The following ZNF502 variants were observed in gnomAD, a reference collection of about 807,000 sequenced individuals.
The protein encoded by ZNF502 is zinc finger protein 502.
Under a neutral mutation model 43.6 loss-of-function variants are expected in ZNF502, and 29 were observed. That is an observed-to-expected ratio of 0.67 (90% CI 0.50 to 0.91). The LOEUF (loss-of-function observed/expected upper bound fraction) is 0.91, where lower values mean the gene tolerates loss of function less well. ZNF502 is among the 40% of genes least tolerant of loss of function. The probability of loss-of-function intolerance (pLI) is 0.00; values close to 1 mark genes in which losing one functional copy is unlikely to be tolerated. For synonymous variants in ZNF502, 171 were observed against 207.4 expected, an observed-to-expected ratio of 0.82 and a Z score of 1.51; for missense variants, 591 against 647.2, an observed-to-expected ratio of 0.91 and a Z score of 0.94.
At chr3:44,716,941 C>G (rs1039540283) in intron 1 of ZNF502, among the ~76,000 whole-genome samples, 1 of 152,088 alleles carries the variant, frequency 6.6e-6, no homozygotes, top group East Asian at 1.9e-4. Context: ...TTTATTAGGT[C>G]TGTCTATCCC....
intron 1 of ZNF502, among the ~76,000 whole-genome samples, chr3:44,715,778 C>T (rs1009768295): frequency 1.3e-5 from 2 of 152,176 alleles, no homozygotes; most frequent in African/African-American, 4.8e-5. Context: ...GCTATCACAG[C>T]TCACTGCGAC....
intron 1 of ZNF502, among the ~76,000 whole-genome samples, chr3:44,718,418 G>A (rs1704207554): frequency 6.6e-6 from 1 of 152,202 alleles, no homozygotes; most frequent in South Asian, 2.1e-4. Context: ...CCTTAAAACA[G>A]TGGATCTAAT....
At position 44,722,463 on chromosome 3, in the gene ZNF502, TA is replaced by T; in HGVS notation, c.*12del. On this transcript the variant is annotated 3_prime_UTR_variant, in exon 3 of 3. Transcript: ENST00000436624. ...CACAGTGGTGACTAATGCTGCCATT[TA>T]GGTTATGACAGTTTCTCTAGCGAGG... is the stretch of plus-strand genomic sequence containing the variant. 1 of 1,600,874 alleles carries T rather than the reference TA, an allele frequency of 6.2e-7. No individual in the cohort carries two copies. The highest frequency in any genetic ancestry group is 8.5e-7 in the Non-Finnish European group (1 of 1,174,550).
Position 44,722,597 on chromosome 3 carries a change from G to T in ZNF502, c.*145G>T. ...GAGAGGAATGTTTCCAGAAATGGAG[G>T]TGGGAGCTTAGGGAATGCAGAGCCT... On this transcript the variant is annotated 3_prime_UTR_variant, in exon 3 of 3. Coordinates refer to ENST00000436624, the MANE Select transcript of ZNF502 (RefSeq NM_001134442.3). The T allele has an allele frequency of 8.8e-7, 1 of 1,137,714 alleles. No homozygotes were observed. Among genetic ancestry groups the T allele is most frequent in the Non-Finnish European group, 1.2e-6 (1 of 819,590 alleles). The allele number at this position is 1,137,714 out of a possible 1,614,324, so 70.5% of individuals were successfully genotyped here.
intron 1 of ZNF502, 151 bp downstream of exon 1, chr3:44,712,891 C>T (rs1159694286): frequency 1.3e-5 from 2 of 152,798 alleles, no homozygotes; most frequent in Non-Finnish European, 2.9e-5. Flanking sequence ...GTAGGGCACT[C>T]CTAGCGGCTC....
rs1704340516 is a variant in ZNF502 at position 44,721,632 on chromosome 3, G to A, written c.815G>A (p.Cys272Tyr). ...GAGAAACCTTATAAATGCAATAGGT[G>A]TGGGAAGGCATTCAATCAGAATACA... Reference protein sequence around the residue: ...TGEKPYKCNRCGKAFNQNTHL... With the variant: ...TGEKPYKCNRYGKAFNQNTHL... Residue 272 changes from cysteine (C) to tyrosine (Y), a missense_variant, in exon 3 of 3, where the codon TGT becomes TAT. Physicochemically the swap from Cys to Tyr is radical, Grantham distance 194. Transcript: ENST00000436624. The A allele has an allele frequency of 6.2e-7, 1 of 1,614,168 alleles. No individual in the cohort carries two copies. Among genetic ancestry groups the A allele is most frequent in the South Asian group, 1.1e-5 (1 of 91,084 alleles).
Position 44,721,271 on chromosome 3 carries a change from A to G in ZNF502, c.454A>G (p.Lys152Glu). The G allele has an allele frequency of 4.3e-6, 7 of 1,614,154 alleles. No homozygotes were observed. Among genetic ancestry groups the G allele is most frequent in the Non-Finnish European group, 5.1e-6 (6 of 1,180,008 alleles). Residue 152 changes from lysine to glutamate, a missense_variant, in exon 3 of 3, where the codon AAA (lysine) becomes GAA (glutamate). Physicochemically the swap from Lys to Glu is moderately conservative, Grantham distance 56 (BLOSUM62 1). Transcript: ENST00000436624. ...QSKCPTLCTQ[K>E]KSWKCNECGK... Reference sequence around the variant, plus strand: ...TAAATGTCCAACTCTCTGCACACAGAAAAAATCTTGGAAATGTAATGAATG... The same window carrying G: ...TAAATGTCCAACTCTCTGCACACAGGAAAAATCTTGGAAATGTAATGAATG...
intron 1 of ZNF502, among the ~76,000 whole-genome samples, chr3:44,715,921 A>G (rs905900324): frequency 6.6e-6 from 1 of 152,084 alleles, no homozygotes; most frequent in Non-Finnish European, 1.5e-5. Context: ...ACTATACTGG[A>G]TTTTTTCAAC....
chr3:44,715,756 G>T (rs1034631191), intron 1 of ZNF502, among the ~76,000 whole-genome samples: 1 of 152,020 alleles, frequency 6.6e-6, no homozygotes, highest in African/African-American at 2.4e-5. Context: ...ACCCAGGTTG[G>T]AATGCAATGG....
Position 44,722,299 on chromosome 3 carries a change from T to C in ZNF502, c.1482T>C (p.Ser494=). The change falls in exon 3 of 3, where the codon AGT becomes AGC. Residue 494 remains serine (S), a synonymous_variant. Transcript: ENST00000436624. ...CTGGTGAGAAGCTCTATAAATGTAG[T>C]GAGTGTGAGAAAACCTTCCGCAAGT... is the stretch of plus-strand genomic sequence containing the variant. ...THTGEKLYKC[S]ECEKTFRKYA... The C allele has an allele frequency of 3.7e-6, 6 of 1,614,184 alleles. No individual in the cohort carries two copies. Among genetic ancestry groups the C allele is most frequent in the Non-Finnish European group, 5.1e-6 (6 of 1,180,020 alleles).
At chr3:44,717,144 T>C (rs1286062227) in intron 1 of ZNF502, among the ~76,000 whole-genome samples, 1 of 152,168 alleles carries the variant, frequency 6.6e-6, no homozygotes, top group Non-Finnish European at 1.5e-5. Flanking sequence ...TTACTTTTTT[T>C]ATTTAACCCT....
intron 1 of ZNF502, among the ~76,000 whole-genome samples, chr3:44,713,266 G>A (rs940917886): frequency 6.6e-6 from 1 of 152,198 alleles, no homozygotes; most frequent in Non-Finnish European, 1.5e-5. Flanking sequence ...ACAAAGCTCA[G>A]TTGACAGCTT....
intron 1 of ZNF502, among the ~76,000 whole-genome samples, chr3:44,718,614 G>A (rs1001122342): frequency 1.3e-5 from 2 of 152,148 alleles, no homozygotes; most frequent in African/African-American, 2.4e-5. Context: ...AAAGTACTGA[G>A]CTTGATTCCT....
In ZNF502 at chr3:44,722,895, C is replaced by T. The variant is rs927356676; in HGVS notation, c.*443C>T. 2.0e-5 allele frequency: 3 copies of T among 152,510 alleles called. No individual in the cohort carries two copies. Among genetic ancestry groups the T allele is most frequent in the Admixed American group, 2.0e-4 (3 of 15,252 alleles). 9.4% of individuals were successfully genotyped at this position (152,510 alleles called of 1,614,324 possible). Reference sequence around the variant, plus strand: ...CTAAGTCTAGCCTCCAGATTTGAGGCAGCCCTGACCATGCTACCATGGGGG... The same window carrying T: ...CTAAGTCTAGCCTCCAGATTTGAGGTAGCCCTGACCATGCTACCATGGGGG... On this transcript the variant is annotated 3_prime_UTR_variant, in exon 3 of 3. Coordinates refer to ENST00000436624, the MANE Select transcript of ZNF502 (RefSeq NM_001134442.3).
rs1249429121 is a variant in ZNF502 at position 44,721,905 on chromosome 3, GC to G, written c.1091del (p.Pro364HisfsTer91). On this transcript the variant is annotated frameshift_variant, in exon 3 of 3. Transcript: ENST00000436624. LOFTEE classifies it high-confidence loss of function. ...GAATGTGGCAAAGCCTTTTGTCAGA[GC>G]CCATCTCTTATTAAACACCAGCGAA... ...CKECGKAFCQSPSLIKHQRIH... is the reference protein window; with the variant it reads ...CKECGKAFCQXPSLIKHQRIH... The G allele has an allele frequency of 3.7e-6, 6 of 1,613,948 alleles. No individual in the cohort carries two copies. Among genetic ancestry groups the G allele is most frequent in the Non-Finnish European group, 5.1e-6 (6 of 1,179,968 alleles).
chr3:44,712,936 T>TC (rs1450980001), intron 1 of ZNF502, among the ~76,000 whole-genome samples, 196 bp downstream of exon 1: 1 of 152,134 alleles, frequency 6.6e-6, no homozygotes, highest in Non-Finnish European at 1.5e-5. Context: ...CACTGCAGAC[T>TC]CCAAGGCCCA....
intron 1 of ZNF502, 111 bp downstream of exon 1, chr3:44,712,851 C>T (rs1704053824): frequency 6.6e-6 from 1 of 152,138 alleles, no homozygotes; most frequent in Middle Eastern, 3.4e-3. Context: ...CGGTCCTCTC[C>T]ACGTTGCTGC....
intron 1 of ZNF502, among the ~76,000 whole-genome samples, chr3:44,715,277 TA>T (rs1704115814): frequency 6.6e-6 from 1 of 152,150 alleles, no homozygotes; most frequent in Admixed American, 6.6e-5. Context: ...TGTTTTAACA[TA>T]TTATATTTTC....
intron 1 of ZNF502, among the ~76,000 whole-genome samples, chr3:44,715,203 T>A (rs1350529885): frequency 3.3e-5 from 5 of 152,222 alleles, no homozygotes; most frequent in Non-Finnish European, 5.9e-5. Context: ...AGTTTCTGTT[T>A]ATTGAGTGCT....
Sources: allele counts gnomAD v4.1 joint callset (sites outside exome capture counted in the v4.1 genomes callset), GRCh38; gene constraint gnomAD v4.1.1; transcripts MANE v1.5; gene names NCBI Gene and HGNC (gene_info 2026-07-23, HGNC 2026-07-21).